ACKR3: variants seen among roughly 807,000 people sequenced by gnomAD.
ACKR3 encodes the protein atypical chemokine receptor 3.
Under a neutral mutation model 22.4 loss-of-function variants are expected in ACKR3, and 6 were observed. The ratio of observed to expected loss-of-function variants is 0.27; its 90% CI spans 0.15 to 0.53. The LOEUF (loss-of-function observed/expected upper bound fraction) is 0.53, where lower values mean the gene tolerates loss of function less well. ACKR3 is among the 20% of genes least tolerant of loss of function. The pLI, the probability that ACKR3 is intolerant of heterozygous loss-of-function variation, is 0.96. For synonymous variants in ACKR3, 209 were observed against 205.2 expected, an observed-to-expected ratio of 1.02 and a Z score of -0.16; for missense variants, 396 against 475.2, an observed-to-expected ratio of 0.83 and a Z score of 1.55.
Position 236,581,315 on chromosome 2 carries a change from C to A in ACKR3, c.850C>A (p.Pro284Thr), listed in dbSNP as rs761508062. 9 of 1,614,010 alleles carry A rather than the reference C, an allele frequency of 5.6e-6. No individual in the cohort carries two copies. The highest frequency in any genetic ancestry group is 4.5e-5 in the East Asian group (2 of 44,868). Residue 284 changes from proline (P) to threonine (T), a missense_variant, in exon 2 of 2, where the codon CCT becomes ACT. Transcript: ENST00000272928. This position sits in a 1 kb window ranked among gnomAD's most constrained non-coding sequence, Gnocchi z 4.4. ...CATCTTCTCCATCCTGCACTACATC[C>A]CTTTCACCTGCCGGCTGGAGCACGC... is the stretch of plus-strand genomic sequence containing the variant. Reference protein sequence around the residue: ...LDIFSILHYIPFTCRLEHALF... With the variant: ...LDIFSILHYITFTCRLEHALF...
At chr2:236,537,573 T>A in the ACKR3 span, among the ~76,000 whole-genome samples, 1 of 152,234 alleles carries the variant, frequency 6.6e-6, no homozygotes, top group Non-Finnish European at 1.5e-5. Context: ...TAAATGCAAG[T>A]GGTACAGGGC....
chr2:236,581,579 G>C lies in ACKR3; in HGVS notation c.*25G>C. On this transcript the variant is annotated 3_prime_UTR_variant, in exon 2 of 2. Transcript: ENST00000272928. The surrounding 1 kb of genome is among the most constrained non-coding windows in gnomAD (Gnocchi z 4.4). ...ATCTGCCCTGGAGAGGCTCTGGGAC[G>C]GGTTTACTTGTTTTTGAACAGGGTG... 1 of 1,595,190 alleles carries C rather than the reference G, an allele frequency of 6.3e-7. No homozygotes were observed. The highest frequency in any genetic ancestry group is 8.6e-7 in the Non-Finnish European group (1 of 1,168,554).
At chr2:236,544,044 G>A in the ACKR3 span, among the ~76,000 whole-genome samples, 2 of 138,172 alleles carry the variant, frequency 1.4e-5, no homozygotes, top group African/African-American at 5.2e-5. The surrounding 1 kb of genome is among the most constrained non-coding windows in gnomAD (Gnocchi z 5.0). Context: ...AGGCTGGAAT[G>A]CAGTATGTGA....
the ACKR3 span, among the ~76,000 whole-genome samples, chr2:236,539,415 C>A: frequency 6.7e-6 from 1 of 150,194 alleles, no homozygotes. Context: ...TGGGTTCAAG[C>A]AATTCTCCTG....
chr2:236,574,868 A>G lies in ACKR3; in HGVS notation c.-27+4944A>G, dbSNP rs186693907. On this transcript the variant is annotated intron_variant, in intron 1 of 1. Coordinates refer to ENST00000272928, the MANE Select transcript of ACKR3 (RefSeq NM_020311.3). This position sits in a 1 kb window ranked among gnomAD's most constrained non-coding sequence, Gnocchi z 5.6. ...AATTGACAAGAGGAGCCCCAGTACC[A>G]TCTGGGCTGTGAGTGACAGAGGAGT... 2.7e-3 allele frequency among the ~76,000 whole-genome samples: 406 copies of G among 152,214 alleles called. 4 individuals carry two copies. Among genetic ancestry groups the G allele is most frequent in the African/African-American group, 9.4e-3 (392 of 41,544 alleles).
chr2:236,540,390 T>C, the ACKR3 span, among the ~76,000 whole-genome samples: 2 of 152,032 alleles, frequency 1.3e-5, no homozygotes, highest in African/African-American at 4.8e-5. Context: ...GTCTTCTTAT[T>C]GAGTTATACG....
the ACKR3 span, among the ~76,000 whole-genome samples, chr2:236,559,163 A>G: frequency 6.6e-6 from 1 of 152,366 alleles, no homozygotes; most frequent in Admixed American, 6.5e-5. Flanking sequence ...GAGATCAGAA[A>G]AATTCTTTTC....
chr2:236,537,495 T>C, the ACKR3 span, among the ~76,000 whole-genome samples: 2 of 152,326 alleles, frequency 1.3e-5, no homozygotes, highest in African/African-American at 2.4e-5. Context: ...TTCATCATTT[T>C]TATTAGTGTC....
At chr2:236,568,820 G>T (rs1691244448), upstream of ACKR3, among the ~76,000 whole-genome samples, 1 of 152,216 alleles carries the variant, frequency 6.6e-6, no homozygotes, top group African/African-American at 2.4e-5. Context: ...TTTTAGCTCT[G>T]GAGAAGGCGT....
At chr2:236,556,713 G>C in the ACKR3 span, among the ~76,000 whole-genome samples, 22 of 152,206 alleles carry the variant, frequency 1.4e-4, no homozygotes, top group Non-Finnish European at 2.4e-4. Flanking sequence ...TTTTGAGACG[G>C]AGTCTCACTC....
At chr2:236,547,628 T>C in the ACKR3 span, among the ~76,000 whole-genome samples, 2 of 152,186 alleles carry the variant, frequency 1.3e-5, no homozygotes, top group Non-Finnish European at 2.9e-5. Context: ...TTTTTAAATT[T>C]TTGCACTCAT....
the ACKR3 span, among the ~76,000 whole-genome samples, chr2:236,558,847 A>G: frequency 2.0e-5 from 3 of 152,358 alleles, no homozygotes; most frequent in East Asian, 3.9e-4. Flanking sequence ...AAAAAAATAT[A>G]ACTATTAGCA....
At chr2:236,579,710 A>G (rs9287599) in intron 1 of ACKR3, among the ~76,000 whole-genome samples, 29,885 of 152,108 alleles carry the variant, frequency 0.2, 5,871 homozygotes, top group African/African-American at 0.51. Flanking sequence ...TGCTGACCCA[A>G]AGCTTGAGAC....
chr2:236,543,941 GTATATATATATATATATATATATA>G, the ACKR3 span, among the ~76,000 whole-genome samples: 167 of 57,806 alleles, frequency 2.9e-3, 3 homozygotes, highest in Middle Eastern at 0.034. Context: ...TGGGAGAAGG[GTATATATATATATATATATATATA>G]TATATATATA....
chr2:236,541,939 G>A, the ACKR3 span, among the ~76,000 whole-genome samples: 1 of 147,786 alleles, frequency 6.8e-6, no homozygotes, highest in African/African-American at 2.6e-5. Context: ...GGAACTGTGA[G>A]TCTATTAAAC....
chr2:236,552,087 T>G, the ACKR3 span, among the ~76,000 whole-genome samples: 3 of 152,184 alleles, frequency 2.0e-5, no homozygotes, highest in African/African-American at 7.2e-5. Context: ...GGGTTTCCCA[T>G]CCAATACTCT....
At chr2:236,554,751 C>T in the ACKR3 span, among the ~76,000 whole-genome samples, 7 of 152,224 alleles carry the variant, frequency 4.6e-5, no homozygotes, top group Non-Finnish European at 8.8e-5. Context: ...GCCCTAGATG[C>T]TAACACACCA....
chr2:236,549,111 T>C, the ACKR3 span, among the ~76,000 whole-genome samples: 9 of 152,236 alleles, frequency 5.9e-5, no homozygotes, highest in African/African-American at 2.2e-4. The surrounding 1 kb of genome is among the most constrained non-coding windows in gnomAD (Gnocchi z 5.3). Flanking sequence ...CAATATGAGA[T>C]AAGCTCTTCT....
the ACKR3 span, among the ~76,000 whole-genome samples, chr2:236,547,022 G>A: frequency 6.6e-6 from 1 of 152,148 alleles, no homozygotes; most frequent in Non-Finnish European, 1.5e-5. Flanking sequence ...CAGCAGCATT[G>A]ACTCTAGAGT....
Sources: allele counts gnomAD v4.1 joint callset (sites outside exome capture counted in the v4.1 genomes callset), GRCh38; gene constraint gnomAD v4.1.1; non-coding constraint Gnocchi (gnomAD v3.1); transcripts MANE v1.5; gene names NCBI Gene and HGNC (gene_info 2026-07-23, HGNC 2026-07-21).